RGS6: variants seen among roughly 807,000 people sequenced by gnomAD.
RGS6 encodes the protein regulator of G protein signaling 6, also known as regulator of G-protein signaling 6.
Under a neutral mutation model 78.5 loss-of-function variants are expected in RGS6, and 30 were observed. The ratio of observed to expected loss-of-function variants is 0.38; its 90% CI spans 0.29 to 0.52. The LOEUF is 0.52. Among genes scored for constraint, RGS6 ranks in the 20% least tolerant of loss-of-function variants. RGS6 has a pLI of 0.85. For synonymous variants in RGS6, 206 were observed against 206.0 expected (o/e 1.00, Z 0.00); for missense variants, 495 against 609.7 (o/e 0.81, Z 1.98).
At chr14:72,259,408 T>TTAGGCATCTGA (rs2057695103) in intron 2 of RGS6, among the ~76,000 whole-genome samples, 1 of 152,132 alleles carries the variant, frequency 6.6e-6, no homozygotes, top group South Asian at 2.1e-4. Flanking sequence ...TACTTGGCAT[T>TTAGGCATCTGA]TAGGCATCTG....
At chr14:72,222,349 T>A (rs1255361313) in intron 2 of RGS6, among the ~76,000 whole-genome samples, 1 of 152,226 alleles carries the variant, frequency 6.6e-6, no homozygotes, top group African/African-American at 2.4e-5. Flanking sequence ...CTGTACTTTT[T>A]AGCTTCTCCT....
rs964532682 is a variant in RGS6, at chr14:72,566,108, G to A, written c.*3641G>A. On this transcript the variant is annotated 3_prime_UTR_variant, in exon 18 of 18. Coordinates refer to ENST00000553525, the MANE Select transcript of RGS6 (RefSeq NM_001204424.2). ...ACCCTCTGAAGAGAGGCCTGTGCTC[G>A]TGTAACCATAGCAACAGCAGATGCC... 11 of 152,206 alleles carry A rather than the reference G, an allele frequency of 7.2e-5. No individual in the cohort carries two copies. The highest frequency in any genetic ancestry group is 2.7e-4 in the African/African-American group (11 of 41,436). 9.4% of individuals were successfully genotyped at this position (152,206 alleles called of 1,614,324 possible). A position where few individuals can be genotyped will look rare whatever the true frequency, so the allele number is the denominator to read the frequency against.
intron 2 of RGS6, among the ~76,000 whole-genome samples, chr14:72,262,757 C>G (rs1360404311): frequency 6.6e-6 from 1 of 152,248 alleles, no homozygotes; most frequent in Non-Finnish European, 1.5e-5. Flanking sequence ...TCAACTCAAA[C>G]TAGCTGAAGC....
chr14:72,533,900 C>T (rs2097212571), intron 15 of RGS6, among the ~76,000 whole-genome samples: 1 of 152,186 alleles, frequency 6.6e-6, no homozygotes, highest in Non-Finnish European at 1.5e-5. Context: ...GAAGATGTTG[C>T]AAACATTGTT....
chr14:72,137,536 TG>T (rs1266154273), intron 2 of RGS6, among the ~76,000 whole-genome samples: 31 of 152,250 alleles, frequency 2.0e-4, no homozygotes, highest in Non-Finnish European at 1.5e-5. Flanking sequence ...GGCCATAAAT[TG>T]GGGGTTCCCC....
intron 3 of RGS6, among the ~76,000 whole-genome samples, chr14:72,358,626 C>A (rs1408131976): frequency 1.3e-5 from 2 of 152,224 alleles, no homozygotes; most frequent in Non-Finnish European, 2.9e-5. Context: ...CCATTTAGAA[C>A]AGGTATATTT....
chr14:72,549,688 C>T (rs1240439732), intron 17 of RGS6, among the ~76,000 whole-genome samples: 1 of 152,116 alleles, frequency 6.6e-6, no homozygotes, highest in African/African-American at 2.4e-5. Context: ...GTGGTGAAAC[C>T]CCGTCTCTAC....
chr14:72,081,906 G>A (rs1038285392), intron 2 of RGS6, among the ~76,000 whole-genome samples: 40 of 151,604 alleles, frequency 2.6e-4, no homozygotes, highest in African/African-American at 8.0e-4. Flanking sequence ...AAAATAATGC[G>A]GAAAGTTCTC....
chr14:72,460,884 C>A (rs528852075), intron 6 of RGS6, among the ~76,000 whole-genome samples: 15 of 152,020 alleles, frequency 9.9e-5, no homozygotes, highest in Non-Finnish European at 1.8e-4. Context: ...CAAGAGGAAA[C>A]CAACAACAGG....
At chr14:72,288,458 A>G (rs1030586853) in intron 2 of RGS6, among the ~76,000 whole-genome samples, 2 of 152,248 alleles carry the variant, frequency 1.3e-5, no homozygotes, top group African/African-American at 4.8e-5. Context: ...CTACCCCCAC[A>G]GGTAGCAGGG....
chr14:72,485,720 A>G (rs2096476011), intron 12 of RGS6, among the ~76,000 whole-genome samples: 1 of 152,204 alleles, frequency 6.6e-6, no homozygotes, highest in Non-Finnish European at 1.5e-5. Flanking sequence ...CCAGAATACA[A>G]GAAGGGGCTG....
At chr14:72,068,592 G>C (rs1334807940) in intron 2 of RGS6, among the ~76,000 whole-genome samples, 1 of 149,580 alleles carries the variant, frequency 6.7e-6, no homozygotes, top group Non-Finnish European at 1.5e-5. Context: ...CTGCGTCCCA[G>C]GTTCAAGCAA....
intron 2 of RGS6, among the ~76,000 whole-genome samples, chr14:72,234,317 G>A (rs1050408080): frequency 6.6e-6 from 1 of 151,886 alleles, no homozygotes; most frequent in African/African-American, 2.4e-5. Context: ...TGCATAACCA[G>A]AGGTGAATGA....
chr14:72,393,188 C>T (rs187186387), intron 3 of RGS6, among the ~76,000 whole-genome samples: 52 of 152,298 alleles, frequency 3.4e-4, no homozygotes, highest in African/African-American at 1.2e-3. Context: ...GAAGATCTGA[C>T]ACATTTTTGT....
At chr14:72,285,445 C>G (rs891759340) in intron 2 of RGS6, among the ~76,000 whole-genome samples, 1 of 152,134 alleles carries the variant, frequency 6.6e-6, no homozygotes, top group African/African-American at 2.4e-5. Flanking sequence ...CTCATTCTCT[C>G]GTCTGCCACC....
intron 2 of RGS6, among the ~76,000 whole-genome samples, chr14:72,035,159 C>T (rs1450453161): frequency 6.6e-6 from 1 of 152,052 alleles, no homozygotes; most frequent in East Asian, 1.9e-4. Context: ...AATGTATTCC[C>T]CATGTATAAG....
intron 3 of RGS6, among the ~76,000 whole-genome samples, chr14:72,353,889 C>T (rs907868668): frequency 6.6e-6 from 1 of 151,980 alleles, no homozygotes; most frequent in Non-Finnish European, 1.5e-5. Flanking sequence ...GAGACTGAGG[C>T]AGGAGAATCA....
the RGS6 span, among the ~76,000 whole-genome samples, chr14:71,891,747 G>GTGC: frequency 1.3e-5 from 2 of 152,112 alleles, no homozygotes; most frequent in African/African-American, 4.8e-5. Flanking sequence ...ACTCTCTAGG[G>GTGC]ATTCTTACAA....
chr14:71,945,826 A>G (rs1057450694), intron 1 of RGS6, among the ~76,000 whole-genome samples: 1 of 152,092 alleles, frequency 6.6e-6, no homozygotes, highest in African/African-American at 2.4e-5. Context: ...TTATTAACCA[A>G]TTTCAATTAG....
Sources: gnomAD v4.1 joint callset for allele counts (sites outside exome capture counted in the v4.1 genomes callset) on GRCh38, gnomAD v4.1.1 for gene constraint, MANE v1.5 for transcripts, NCBI Gene and HGNC (gene_info 2026-07-23, HGNC 2026-07-21) for gene names.